PALLD: variants seen among roughly 807,000 people sequenced by gnomAD.
The protein encoded by PALLD is palladin.
A neutral mutation model predicts 123.5 loss-of-function variants in PALLD; 61 were observed. The ratio of observed to expected loss-of-function variants is 0.49; its 90% CI spans 0.40 to 0.61. The LOEUF (loss-of-function observed/expected upper bound fraction) is 0.61. Ranked by LOEUF, PALLD falls within the 20% of genes least tolerant of loss-of-function variation. The pLI is 0.00. For synonymous variants in PALLD, 465 were observed against 496.4 expected, an observed-to-expected ratio of 0.94 and a Z score of 0.84; for missense variants, 1,273 against 1,377.0, an observed-to-expected ratio of 0.92 and a Z score of 1.20.
At chr4:168,804,234 T>C (rs1019083612) in intron 10 of PALLD, among the ~76,000 whole-genome samples, 15 of 152,204 alleles carry the variant, frequency 9.9e-5, no homozygotes, top group African/African-American at 3.6e-4. Context: ...ACCCTGCAAC[T>C]AACATGCAGC....
At chr4:168,910,921 A>G (rs1316109630) in intron 15 of PALLD, among the ~76,000 whole-genome samples, 3 of 152,206 alleles carry the variant, frequency 2.0e-5, no homozygotes, top group Admixed American at 6.5e-5. Flanking sequence ...GTATATTCAC[A>G]TGGAAATTCT....
At chr4:168,665,610 T>G (rs1477520073) in intron 2 of PALLD, among the ~76,000 whole-genome samples, 1 of 152,182 alleles carries the variant, frequency 6.6e-6, no homozygotes, top group Non-Finnish European at 1.5e-5. Flanking sequence ...GTGAGCAACC[T>G]GGATGGAAAG....
At chr4:168,581,576 T>C (rs1770283057) in intron 2 of PALLD, among the ~76,000 whole-genome samples, 1 of 152,066 alleles carries the variant, frequency 6.6e-6, no homozygotes, top group Admixed American at 6.6e-5. Context: ...CCTTTGCCCA[T>C]TTCTAAGTAG....
intron 12 of PALLD, among the ~76,000 whole-genome samples, chr4:168,894,970 AT>A (rs1754798021): frequency 6.6e-6 from 1 of 152,160 alleles, no homozygotes; most frequent in Non-Finnish European, 1.5e-5. Flanking sequence ...ATGCAAAATA[AT>A]TTTGTGTGGA....
At chr4:168,500,288 A>G (rs1761262975) in intron 1 of PALLD, among the ~76,000 whole-genome samples, 1 of 152,190 alleles carries the variant, frequency 6.6e-6, no homozygotes, top group Non-Finnish European at 1.5e-5. Flanking sequence ...CTCCACGTCA[A>G]AGAAATCTGT....
chr4:168,556,056 A>C (rs535511700), intron 2 of PALLD, among the ~76,000 whole-genome samples: 3 of 152,274 alleles, frequency 2.0e-5, no homozygotes, highest in African/African-American at 7.2e-5. Flanking sequence ...ACAGCTTCTA[A>C]CACATAGTAT....
chr4:168,595,681 T>G (rs1485092630), intron 2 of PALLD, among the ~76,000 whole-genome samples: 2 of 152,156 alleles, frequency 1.3e-5, no homozygotes, highest in Admixed American at 6.5e-5. Context: ...TCCTTGGCTC[T>G]TCAAAGTGAA....
At chr4:168,823,806 G>A (rs1743054290) in intron 10 of PALLD, among the ~76,000 whole-genome samples, 1 of 152,236 alleles carries the variant, frequency 6.6e-6, no homozygotes, top group Non-Finnish European at 1.5e-5. Context: ...CAACGAAGCA[G>A]GTGACTGAAT....
At chr4:168,769,708 C>G (rs1242374097) in intron 10 of PALLD, among the ~76,000 whole-genome samples, 2 of 152,172 alleles carry the variant, frequency 1.3e-5, no homozygotes, top group African/African-American at 4.8e-5. Context: ...GGGTCTCCCT[C>G]TGTGGTGACT....
chr4:168,499,309 A>AGGGAGGAT (rs1761129639), intron 1 of PALLD, among the ~76,000 whole-genome samples: 1 of 62,472 alleles, frequency 1.6e-5, no homozygotes, highest in Admixed American at 1.9e-4. Flanking sequence ...GGAGGGAGGA[A>AGGGAGGAT]GGGAGGGAGA....
intron 10 of PALLD, among the ~76,000 whole-genome samples, chr4:168,856,817 TAAG>T (rs566819282): frequency 6.6e-6 from 1 of 152,196 alleles, no homozygotes; most frequent in Non-Finnish European, 1.5e-5. Flanking sequence ...CTAAACCAGT[TAAG>T]AAGTATATGA....
intron 10 of PALLD, among the ~76,000 whole-genome samples, chr4:168,778,622 G>T (rs1735493369): frequency 6.6e-6 from 1 of 152,094 alleles, no homozygotes; most frequent in South Asian, 2.1e-4. Context: ...CCTTTACATG[G>T]TACTGATTAT....
chr4:168,895,795 C>G (rs1034433281), intron 12 of PALLD, among the ~76,000 whole-genome samples: 1 of 152,086 alleles, frequency 6.6e-6, no homozygotes, highest in African/African-American at 2.4e-5. Context: ...AATATCTAGT[C>G]AAAATAAAAT....
chr4:168,503,612 A>T (rs1168922682), intron 1 of PALLD, among the ~76,000 whole-genome samples: 14 of 150,098 alleles, frequency 9.3e-5, no homozygotes, highest in South Asian at 6.3e-4. Flanking sequence ...GAGCCACTGC[A>T]CTCCAGCCTG....
At position 168,924,893 on chromosome 4, in the gene PALLD, A is replaced by G. The variant is rs1582248397; in HGVS notation, c.3225-52A>G. ...TAATTAAAAATGATGCTTCATGTCC[A>G]AAGCCACTTTTAAAAAATTTAGAAC... is the stretch of plus-strand genomic sequence containing the variant. On this transcript the variant is annotated intron_variant, in intron 19 of 21. Coordinates refer to ENST00000505667, the MANE Select transcript of PALLD (RefSeq NM_001166108.2). 2.5e-6 allele frequency: 4 copies of G among 1,605,456 alleles called. No homozygotes were observed. In the East Asian group the frequency reaches 8.9e-5, roughly 36 times the overall value.
intron 2 of PALLD, among the ~76,000 whole-genome samples, chr4:168,611,030 C>T (rs1580568699): frequency 6.6e-6 from 1 of 152,180 alleles, no homozygotes; most frequent in Admixed American, 6.5e-5. Context: ...AACAGTTGAC[C>T]AGTGTGATGA....
intron 2 of PALLD, among the ~76,000 whole-genome samples, chr4:168,538,543 C>T (rs899129849): frequency 7.1e-4 from 108 of 151,966 alleles, no homozygotes; most frequent in African/African-American, 1.5e-3. Flanking sequence ...TTTCAAATGA[C>T]CTTATGATTC....
chr4:168,501,773 G>A (rs911625765), intron 1 of PALLD, among the ~76,000 whole-genome samples: 1 of 152,158 alleles, frequency 6.6e-6, no homozygotes, highest in Non-Finnish European at 1.5e-5. Context: ...CTCCTCTTGT[G>A]ACTTTCACCA....
At chr4:168,777,940 A>C (rs902033897) in intron 10 of PALLD, among the ~76,000 whole-genome samples, 1 of 152,174 alleles carries the variant, frequency 6.6e-6, no homozygotes, top group African/African-American at 2.4e-5. Flanking sequence ...ATCTCAGGCT[A>C]TTTTATAATC....
Sources: gnomAD v4.1 joint callset for allele counts (sites outside exome capture counted in the v4.1 genomes callset) on GRCh38, gnomAD v4.1.1 for gene constraint, MANE v1.5 for transcripts, NCBI Gene and HGNC (gene_info 2026-07-23, HGNC 2026-07-21) for gene names.